The following NUP160 variants were observed in gnomAD, a reference collection of about 807,000 sequenced individuals.
NUP160 encodes the protein nuclear pore complex protein Nup160.
In NUP160, 94 loss-of-function variants were observed where a neutral mutation model predicts 196.9. That is an observed-to-expected ratio of 0.48 (90% CI 0.40 to 0.57). The LOEUF (loss-of-function observed/expected upper bound fraction) is 0.57, where lower values mean the gene tolerates loss of function less well. Ranked by LOEUF, NUP160 falls within the 20% of genes least tolerant of loss-of-function variation. The probability of loss-of-function intolerance (pLI) is 0.00; values close to 1 mark genes in which losing one functional copy is unlikely to be tolerated. For synonymous variants in NUP160, 605 were observed against 619.7 expected (o/e 0.98, Z 0.35); for missense variants, 1,638 against 1,748.3 (o/e 0.94, Z 1.13).
chr11:47,822,728 C>T (rs191775883), intron 7 of NUP160, among the ~76,000 whole-genome samples: 91 of 152,288 alleles, frequency 6.0e-4, no homozygotes, highest in African/African-American at 2.1e-3. Context: ...ACTCCCCCTA[C>T]CCCACGACAG....
chr11:47,781,549 C>A (rs947794496), intron 34 of NUP160, among the ~76,000 whole-genome samples: 13 of 152,162 alleles, frequency 8.5e-5, no homozygotes, highest in African/African-American at 2.7e-4. Flanking sequence ...CAGGTGTGAG[C>A]TATTGCACCT....
chr11:47,779,399 G>A (rs2097659331), intron 35 of NUP160, among the ~76,000 whole-genome samples: 1 of 152,040 alleles, frequency 6.6e-6, no homozygotes, highest in Non-Finnish European at 1.5e-5. Flanking sequence ...CAACATTTCA[G>A]TCTCATTTTC....
At chr11:47,805,948 G>A (rs762001035) in intron 20 of NUP160, among the ~76,000 whole-genome samples, 1 of 151,910 alleles carries the variant, frequency 6.6e-6, no homozygotes, top group Non-Finnish European at 1.5e-5. Context: ...CGAGTAGCTG[G>A]GATTACAGGT....
chr11:47,813,326 G>A (rs540783413), exon 14 of NUP160: 2 of 1,589,582 alleles, frequency 1.3e-6, no homozygotes, highest in East Asian at 4.5e-5. Context: ...CATCAGATAT[G>A]GTTGTCTCAT....
chr11:47,848,166 AGAG>A, intron 1 of NUP160, 50 bp downstream of exon 1: 1 of 1,589,176 alleles, frequency 6.3e-7, no homozygotes, highest in South Asian at 1.1e-5. Flanking sequence ...GGGACCCATG[AGAG>A]GAGCCCGAGG....
chr11:47,835,615 C>G (rs553868001), intron 7 of NUP160, 36 bp downstream of exon 7: 2 of 1,509,398 alleles, frequency 1.3e-6, no homozygotes, highest in Non-Finnish European at 1.8e-6. Context: ...TCAGTACACA[C>G]AGAATAACTT....
intron 23 of NUP160, among the ~76,000 whole-genome samples, chr11:47,799,555 TA>T (rs1160828789): frequency 1.3e-5 from 2 of 152,164 alleles, no homozygotes; most frequent in African/African-American, 2.4e-5. Context: ...TTATTTTTAT[TA>T]ATTTTTTGAG....
In NUP160 at chr11:47,812,976, CCA is replaced by C; in HGVS notation, c.1856_1857del (p.Val619GlyfsTer12). On this transcript the variant is annotated frameshift_variant, in exon 15 of 36. Coordinates refer to ENST00000378460, the Ensembl canonical transcript of NUP160. LOFTEE classifies it high-confidence loss of function. ...CTCATTTCCATTATAACTGACATATCCACAGTTACTGACTCTTCAATCAGCCG... is the reference window on the plus strand; with the variant it reads ...CTCATTTCCATTATAACTGACATATCCAGTTACTGACTCTTCAATCAGCCG... 6.2e-7 allele frequency: 1 copy of C among 1,611,668 alleles called. No individual in the cohort carries two copies. The highest frequency in any genetic ancestry group is 8.5e-7 in the Non-Finnish European group (1 of 1,177,904).
chr11:47,804,747 C>G, intron 20 of NUP160, 129 bp from the exon 21 acceptor site: 1 of 591,930 alleles, frequency 1.7e-6, no homozygotes, highest in Non-Finnish European at 2.9e-6. Context: ...GTTGGCCAAC[C>G]ACATGTTCTT....
intron 7 of NUP160, among the ~76,000 whole-genome samples, chr11:47,823,212 T>C (rs1425225226): frequency 6.6e-6 from 1 of 152,210 alleles, no homozygotes; most frequent in Admixed American, 6.5e-5. Context: ...TGTAGTAAAA[T>C]ACACATAACG....
intron 31 of NUP160, chr11:47,787,123 T>C (rs1446677880): frequency 2.7e-5 from 4 of 150,146 alleles, no homozygotes. Flanking sequence ...AGTCTCGCTC[T>C]GTTGCCCAGG....
exon 33 of NUP160, chr11:47,784,997 C>T (rs1256906901): frequency 3.1e-5 from 50 of 1,602,150 alleles, no homozygotes; most frequent in Non-Finnish European, 4.3e-5. Context: ...AGTGGTGATA[C>T]AAGTTATTCT....
intron 7 of NUP160, among the ~76,000 whole-genome samples, chr11:47,828,463 C>A (rs1222198995): frequency 6.6e-6 from 1 of 151,848 alleles, no homozygotes; most frequent in Non-Finnish European, 1.5e-5. Context: ...CTAAAGCATC[C>A]CATGTTCATG....
At chr11:47,844,047 C>T (rs368338775) in intron 2 of NUP160, among the ~76,000 whole-genome samples, 1 of 152,216 alleles carries the variant, frequency 6.6e-6, no homozygotes, top group East Asian at 1.9e-4. Flanking sequence ...ATTGCTCAAG[C>T]CAAAAATCTA....
chr11:47,813,754 A>C (rs2097682490), intron 13 of NUP160, among the ~76,000 whole-genome samples: 2 of 151,462 alleles, frequency 1.3e-5, no homozygotes. Context: ...TGAGCCTGGG[A>C]GGTTGAAGCT....
rs1230897717 is a variant in NUP160 at position 47,801,797 on chromosome 11, A to G, written c.2895+14T>C. The stretch of plus-strand genomic sequence containing the variant: ...ACACAGGGTGGTATAAGGCCAAACC[A>G]AGACATGATGTACCTTGTCATAATA... On this transcript the variant is annotated intron_variant, in intron 23 of 35. Transcript: ENST00000378460. 7 of 1,612,844 alleles carry G rather than the reference A, an allele frequency of 4.3e-6. No individual in the cohort carries two copies. In the African/African-American group the frequency reaches 5.3e-5, roughly 12 times the overall value.
intron 33 of NUP160, 114 bp downstream of exon 33, chr11:47,784,808 C>T (rs1274671292): frequency 7.9e-6 from 6 of 755,962 alleles, no homozygotes; most frequent in African/African-American, 1.8e-5. Context: ...TACCAATGTG[C>T]GGGCATGACA....
intron 7 of NUP160, among the ~76,000 whole-genome samples, chr11:47,833,462 G>A (rs200834833): frequency 1.4e-3 from 198 of 144,170 alleles, no homozygotes; most frequent in Non-Finnish European, 1.5e-3. Flanking sequence ...CATCACAAAA[G>A]AAAAAAAAAA....
chr11:47,784,740 C>T (rs1477160854), intron 33 of NUP160, 182 bp downstream of exon 33: 4 of 384,096 alleles, frequency 1.0e-5, no homozygotes, highest in Non-Finnish European at 1.9e-5. Context: ...TGGGGTCTCC[C>T]TGTGTTGCCC....
Sources: allele counts gnomAD v4.1 joint callset (sites outside exome capture counted in the v4.1 genomes callset), GRCh38; gene constraint gnomAD v4.1.1; transcripts MANE v1.5; gene names NCBI Gene and HGNC (gene_info 2026-07-23, HGNC 2026-07-21).